The following MMP26 variants were observed in gnomAD, a reference collection of about 807,000 sequenced individuals.
MMP26 encodes matrix metalloproteinase-26.
A neutral mutation model predicts 31.0 loss-of-function variants in MMP26; 33 were observed. The ratio of observed to expected loss-of-function variants is 1.06; its 90% CI spans 0.81 to 1.42. The LOEUF (loss-of-function observed/expected upper bound fraction) is 1.42. MMP26 is among the 40% of genes most tolerant of loss of function. The pLI is 0.00. For synonymous variants in MMP26, 122 were observed against 114.9 expected (o/e 1.06, Z -0.40); for missense variants, 347 against 316.1 (o/e 1.10, Z -0.74).
At chr11:4,810,413 A>T (rs998327229) in intron 2 of MMP26, among the ~76,000 whole-genome samples, 1 of 152,208 alleles carries the variant, frequency 6.6e-6, no homozygotes, top group African/African-American at 2.4e-5. Context: ...GCGTAAGTGT[A>T]TATCAAATTA....
intron 2 of MMP26, among the ~76,000 whole-genome samples, chr11:4,807,387 A>G (rs1401858363): frequency 6.6e-6 from 1 of 152,186 alleles, no homozygotes. Flanking sequence ...TTAATGATAG[A>G]CTGGATTAAG....
At chr11:4,784,852 G>A (rs1382860784) in intron 2 of MMP26, among the ~76,000 whole-genome samples, 2 of 152,144 alleles carry the variant, frequency 1.3e-5, no homozygotes, top group Non-Finnish European at 2.9e-5. Flanking sequence ...TATTTACTGA[G>A]TACAATGTTA....
intron 2 of MMP26, among the ~76,000 whole-genome samples, chr11:4,934,336 A>G (rs1418308487): frequency 1.4e-5 from 2 of 142,702 alleles, no homozygotes; most frequent in Non-Finnish European, 3.0e-5. Flanking sequence ...GATGATGAGC[A>G]TTTTTTCATG....
chr11:4,911,764 A>C (rs1850995434), intron 2 of MMP26, among the ~76,000 whole-genome samples: 1 of 152,032 alleles, frequency 6.6e-6, no homozygotes, highest in Non-Finnish European at 1.5e-5. Flanking sequence ...CCATTACCCC[A>C]CTATGTTTCC....
At position 4,710,721 on chromosome 11, in the gene MMP26, G is replaced by A. The variant is rs183052659; in HGVS notation, c.-217+5676G>A. The A allele has an allele frequency of 9.3e-5, 30 of 323,088 alleles. No individual in the cohort carries two copies. The Admixed American group carries it at 9.3e-4, about 10-fold the overall frequency. 20.0% of individuals were successfully genotyped at this position (323,088 alleles called of 1,614,324 possible). A position where few individuals can be genotyped will look rare whatever the true frequency, so the allele number is the denominator to read the frequency against. On this transcript the variant is annotated intron_variant, in intron 1 of 7. Coordinates refer to ENST00000380390, the MANE Select transcript of MMP26 (RefSeq NM_021801.5). ...ATGTCGGTACTTCTGATCCTTTCAT[G>A]AATACTGAACCTAGCACAGTATAGG...
chr11:4,847,973 A>ATTT (rs1849898402), intron 2 of MMP26: 1 of 428,060 alleles, frequency 2.3e-6, no homozygotes, highest in Non-Finnish European at 4.1e-6. Context: ...ACAGGCACAC[A>ATTT]CTTGGATAGT....
At chr11:4,783,837 C>G (rs1278338226) in intron 2 of MMP26, among the ~76,000 whole-genome samples, 1 of 152,202 alleles carries the variant, frequency 6.6e-6, no homozygotes, top group Non-Finnish European at 1.5e-5. Context: ...CGCTCATTCT[C>G]TCTTTGCCTG....
At chr11:4,758,787 A>G (rs973691564) in intron 1 of MMP26, among the ~76,000 whole-genome samples, 2 of 152,160 alleles carry the variant, frequency 1.3e-5, no homozygotes, top group Non-Finnish European at 2.9e-5. Flanking sequence ...ATTCAATTGA[A>G]TAATGTGTTT....
In MMP26 at chr11:4,718,173, AAG is replaced by A. The variant is rs377607950; in HGVS notation, c.-217+13133_-217+13134del. ...GATTGAAAGAAAATAGCAGGAGATA[AAG>A]AGAGGATTTTTTGGATGGGCCTCTA... On this transcript the variant is annotated intron_variant, in intron 1 of 7. Transcript: ENST00000380390. Among the ~76,000 whole-genome samples, 119 of 152,302 alleles carry A rather than the reference AAG, an allele frequency of 7.8e-4. No homozygotes were observed. In the South Asian group the frequency reaches 0.011, roughly 15 times the overall value.
intron 1 of MMP26, among the ~76,000 whole-genome samples, chr11:4,746,559 C>T (rs536121052): frequency 2.0e-5 from 3 of 152,074 alleles, no homozygotes. Flanking sequence ...AAATTGGGGC[C>T]GGGCATGGTG....
chr11:4,800,118 C>G (rs1174498812), intron 2 of MMP26, among the ~76,000 whole-genome samples: 1 of 152,204 alleles, frequency 6.6e-6, no homozygotes, highest in Non-Finnish European at 1.5e-5. Flanking sequence ...TAGTCAGTGG[C>G]CCAGTGGAGA....
intron 1 of MMP26, among the ~76,000 whole-genome samples, chr11:4,762,869 C>A (rs949820604): frequency 9.2e-5 from 14 of 152,124 alleles, no homozygotes; most frequent in African/African-American, 2.7e-4. Flanking sequence ...ATAACTGTAG[C>A]TCAAAGAAAA....
chr11:4,930,291 A>C (rs1564809288), intron 2 of MMP26, among the ~76,000 whole-genome samples: 2 of 152,066 alleles, frequency 1.3e-5, no homozygotes, highest in Non-Finnish European at 2.9e-5. Context: ...CACTTGAAGA[A>C]ACCATTTGTT....
intron 2 of MMP26, chr11:4,822,300 T>C: frequency 6.5e-7 from 1 of 1,534,214 alleles, no homozygotes; most frequent in Non-Finnish European, 8.8e-7. Flanking sequence ...ACCCTATTAT[T>C]TACAGTGTAA....
At chr11:4,726,650 T>G (rs1848104492) in intron 1 of MMP26, among the ~76,000 whole-genome samples, 1 of 152,176 alleles carries the variant, frequency 6.6e-6, no homozygotes, top group Non-Finnish European at 1.5e-5. Context: ...GTATTATTTT[T>G]GAATGAAGAT....
rs556884131 is a variant in MMP26 at position 4,923,227 on chromosome 11, A to T, written c.-144-64841A>T. 7 of 634,992 alleles carry T rather than the reference A, an allele frequency of 1.1e-5. No homozygotes were observed. The South Asian group carries it at 1.8e-4, about 17-fold the overall frequency. The allele number at this position is 634,992 out of a possible 1,614,324, so 39.3% of individuals were successfully genotyped here. The stretch of plus-strand genomic sequence containing the variant: ...GAAACTGGAGAACAGAGAGGTAAGT[A>T]ACTTTCTCCTGGTCACACTGCCTTA... On this transcript the variant is annotated intron_variant, in intron 2 of 7. Coordinates refer to ENST00000380390, the MANE Select transcript of MMP26 (RefSeq NM_021801.5).
At chr11:4,957,075 G>T (rs1846453974) in intron 2 of MMP26, among the ~76,000 whole-genome samples, 1 of 152,100 alleles carries the variant, frequency 6.6e-6, no homozygotes, top group Non-Finnish European at 1.5e-5. Context: ...TAGCAACTCA[G>T]GTCTGTTATT....
chr11:4,952,072 A>T (rs1229985777), intron 2 of MMP26, among the ~76,000 whole-genome samples: 1 of 124,962 alleles, frequency 8.0e-6, no homozygotes, highest in East Asian at 2.3e-4. Flanking sequence ...TTTCTTTAAG[A>T]TAATATTGGG....
chr11:4,989,939 C>A, intron 4 of MMP26, 71 bp downstream of exon 4: 3 of 1,214,038 alleles, frequency 2.5e-6, no homozygotes. Context: ...CCAGGTCTCT[C>A]CTGGAGGTAC....
Sources: gnomAD v4.1 joint callset for allele counts (sites outside exome capture counted in the v4.1 genomes callset) on GRCh38, gnomAD v4.1.1 for gene constraint, MANE v1.5 for transcripts, NCBI Gene and HGNC (gene_info 2026-07-23, HGNC 2026-07-21) for gene names.